RAD9B: variants seen among roughly 807,000 people sequenced by gnomAD.
RAD9B encodes the protein RAD9 checkpoint clamp component B.
Under a neutral mutation model 48.3 loss-of-function variants are expected in RAD9B, and 41 were observed. The observed-to-expected ratio is 0.85, with a 90% CI of 0.66 to 1.10. RAD9B has a LOEUF of 1.10. RAD9B is among the 50% of genes least tolerant of loss of function. RAD9B has a pLI of 0.00. For synonymous variants in RAD9B, 160 were observed against 157.9 expected (o/e 1.01, Z -0.10); for missense variants, 444 against 485.1 (o/e 0.92, Z 0.80).
intron 9 of RAD9B, among the ~76,000 whole-genome samples, chr12:110,520,424 C>T (rs1405475741): frequency 6.6e-6 from 1 of 151,900 alleles, no homozygotes; most frequent in Non-Finnish European, 1.5e-5. Context: ...GTTGCCCAGG[C>T]TGGTCTCAAA....
intron 2 of RAD9B, among the ~76,000 whole-genome samples, chr12:110,505,330 C>T (rs957674550): frequency 3.3e-5 from 5 of 152,070 alleles, no homozygotes; most frequent in African/African-American, 4.8e-5. Context: ...CTATATAGGG[C>T]AGTCCATAAT....
At position 110,519,794 on chromosome 12, in the gene RAD9B, A is replaced by G. The variant is rs1342971228; in HGVS notation, c.768A>G (p.Lys256=). Residue 256 remains lysine, a splice_region_variant and synonymous_variant, in exon 9 of 11, where the codon AAA becomes AAG. Coordinates refer to ENST00000409300, the MANE Select transcript of RAD9B (RefSeq NM_001286535.2). ...PISIYFDFPG[K]PLALSIDDML... ...TGTTGCTCTGACTTGGCTTTTTTAG[A>G]CCTCTGGCTTTGAGTATTGATGATA... 1 of 1,602,234 alleles carries G rather than the reference A, an allele frequency of 6.2e-7. No individual in the cohort carries two copies. Among genetic ancestry groups the G allele is most frequent in the South Asian group, 1.1e-5 (1 of 88,292 alleles).
At chr12:110,518,174 G>A (rs1287631822) in intron 6 of RAD9B, among the ~76,000 whole-genome samples, 1 of 149,808 alleles carries the variant, frequency 6.7e-6, no homozygotes, top group East Asian at 2.0e-4. Flanking sequence ...CTGGGCAACA[G>A]AGTGAGACTC....
chr12:110,522,256 A>G lies in RAD9B; in HGVS notation c.970A>G (p.Arg324Gly), dbSNP rs765970904. 6.2e-7 allele frequency: 1 copy of G among 1,612,364 alleles called. No homozygotes were observed. Among genetic ancestry groups the G allele is most frequent in the Non-Finnish European group, 8.5e-7 (1 of 1,179,268 alleles). ...LECISKKAAP[R>G]RLYPKETLTN... Reference sequence around the variant, plus strand: ...ATGTATTTCAAAAAAAGCAGCACCAAGAAGGCTTTATCCTAAGGAGACTCT... The same window carrying G: ...ATGTATTTCAAAAAAAGCAGCACCAGGAAGGCTTTATCCTAAGGAGACTCT... The change falls in exon 10 of 11, where the codon AGA becomes GGA. Residue 324 changes from arginine (R) to glycine (G), a missense_variant. By Grantham distance (125) the Arg-to-Gly change is moderately radical. Transcript: ENST00000409300.
rs1231147988 is a variant in RAD9B at position 110,507,515 on chromosome 12, CATAAT to C, written c.388+826_388+830del. Reference sequence around the variant, plus strand: ...CATAATATATGTATTAAATATAATACATAATATATGTATTAAATATAATACATAAT... The same window carrying C: ...CATAATATATGTATTAAATATAATACATATGTATTAAATATAATACATAAT... On this transcript the variant is annotated intron_variant, in intron 4 of 10. Transcript: ENST00000409300. Among the ~76,000 whole-genome samples the C allele has an allele frequency of 6.7e-4, 14 of 20,754 alleles. 1 individual carries two copies. The highest frequency in any genetic ancestry group is 1.4e-3 in the African/African-American group (14 of 10,154). 13.6% of individuals were successfully genotyped at this position (20,754 alleles called of 152,430 possible). A position where few individuals can be genotyped will look rare whatever the true frequency, so the allele number is the denominator to read the frequency against.
At chr12:110,509,462 A>G (rs2063396122) in intron 4 of RAD9B, among the ~76,000 whole-genome samples, 1 of 151,788 alleles carries the variant, frequency 6.6e-6, no homozygotes, top group South Asian at 2.1e-4. Context: ...TTAATAGATA[A>G]CAAGGTCTCA....
chr12:110,513,089 C>T (rs1209354261), intron 5 of RAD9B, among the ~76,000 whole-genome samples: 2 of 151,936 alleles, frequency 1.3e-5, no homozygotes, highest in Non-Finnish European at 2.9e-5. Context: ...CCTCAGCCTC[C>T]CGAGTAGCTG....
intron 10 of RAD9B, among the ~76,000 whole-genome samples, chr12:110,528,421 T>C (rs1004181881): frequency 6.6e-6 from 1 of 152,156 alleles, no homozygotes; most frequent in Non-Finnish European, 1.5e-5. Flanking sequence ...GGAATGCTAA[T>C]TGCATGTAGC....
At chr12:110,519,249 G>A (rs901477722) in intron 8 of RAD9B, among the ~76,000 whole-genome samples, 38 of 151,578 alleles carry the variant, frequency 2.5e-4, no homozygotes, top group African/African-American at 9.2e-4. Flanking sequence ...GATTACGGGC[G>A]TCTACCACCA....
intron 6 of RAD9B, among the ~76,000 whole-genome samples, chr12:110,518,032 A>G (rs950430988): frequency 5.9e-5 from 9 of 152,000 alleles, no homozygotes; most frequent in Non-Finnish European, 1.2e-4. Context: ...ACTAAAAGAA[A>G]TACAAAAAAT....
chr12:110,519,061 T>C, intron 8 of RAD9B, 123 bp downstream of exon 8: 1 of 658,018 alleles, frequency 1.5e-6, no homozygotes, highest in Non-Finnish European at 2.5e-6. Flanking sequence ...TTAATACTTA[T>C]CAAACTAAAA....
chr12:110,528,953 C>T (rs1363601147), intron 10 of RAD9B, among the ~76,000 whole-genome samples: 2 of 152,090 alleles, frequency 1.3e-5, no homozygotes, highest in Non-Finnish European at 2.9e-5. Context: ...GTCTCGAACT[C>T]CTGAGCTCAG....
At position 110,502,347 on chromosome 12, in the gene RAD9B, A is replaced by T; in HGVS notation, c.10A>T (p.Met4Leu). Reference sequence around the variant, plus strand: ...CTGCTTTTTAGGGCGGATGGCAGCCATGCTGAAGTGCGTGATGAGCGGCAG... The same window carrying T: ...CTGCTTTTTAGGGCGGATGGCAGCCTTGCTGAAGTGCGTGATGAGCGGCAG... The part of the protein sequence containing the change: MAA[M>L]LKCVMSGSQV... The change falls in exon 1 of 11, where the codon ATG (methionine) becomes TTG (leucine). Residue 4 changes from methionine (M) to leucine (L), a missense_variant. Coordinates refer to ENST00000409300, the MANE Select transcript of RAD9B (RefSeq NM_001286535.2). The T allele has an allele frequency of 6.2e-7, 1 of 1,613,662 alleles. No individual in the cohort carries two copies. Among genetic ancestry groups the T allele is most frequent in the South Asian group, 1.1e-5 (1 of 90,932 alleles).
intron 4 of RAD9B, among the ~76,000 whole-genome samples, chr12:110,509,890 C>T (rs2063409774): frequency 6.6e-6 from 1 of 152,188 alleles, no homozygotes; most frequent in African/African-American, 2.4e-5. Context: ...GACTCACTCT[C>T]ACTGTTCTTT....
chr12:110,508,988 G>A (rs1030939968), intron 4 of RAD9B, among the ~76,000 whole-genome samples: 2 of 151,016 alleles, frequency 1.3e-5, no homozygotes, highest in East Asian at 3.9e-4. Flanking sequence ...TTTTTAAGAC[G>A]GAGTCTGGTT....
chr12:110,528,797 G>A (rs2064027857), intron 10 of RAD9B, among the ~76,000 whole-genome samples: 1 of 152,048 alleles, frequency 6.6e-6, no homozygotes, highest in Non-Finnish European at 1.5e-5. Flanking sequence ...GCACAATCTT[G>A]GCTCACTACA....
At position 110,530,761 on chromosome 12, in the gene RAD9B, T is replaced by C. The variant is rs546637901; in HGVS notation, c.*108T>C. 6.6e-7 allele frequency: 1 copy of C among 1,524,864 alleles called. No individual in the cohort carries two copies. Among genetic ancestry groups the C allele is most frequent in the South Asian group, 1.3e-5 (1 of 77,936 alleles). 94.5% of individuals were successfully genotyped at this position (1,524,864 alleles called of 1,614,324 possible). A position where few individuals can be genotyped will look rare whatever the true frequency, so the allele number is the denominator to read the frequency against. The stretch of plus-strand genomic sequence containing the variant: ...AAAAGAGGTTGTCCAGGACTTCCTT[T>C]TAATGGAGGATGGGCTTTTAAACCA... On this transcript the variant is annotated 3_prime_UTR_variant, in exon 11 of 11. Transcript: ENST00000409300.
At position 110,531,330 on chromosome 12, in the gene RAD9B, T is replaced by C. The variant is rs567273405; in HGVS notation, c.*677T>C. 8 of 410,374 alleles carry C rather than the reference T, an allele frequency of 1.9e-5. No individual in the cohort carries two copies. The highest frequency in any genetic ancestry group is 1.7e-4 in the African/African-American group (8 of 46,524). The allele number at this position is 410,374 out of a possible 1,614,324, so 25.4% of individuals were successfully genotyped here. ...GCCTCAGCCTCCCGTGCAGCTGGGA[T>C]TGCAGGTGCGTGCCACCATGCCTGG... On this transcript the variant is annotated 3_prime_UTR_variant, in exon 11 of 11. Coordinates refer to ENST00000409300, the MANE Select transcript of RAD9B (RefSeq NM_001286535.2).
chr12:110,531,483 C>A lies in RAD9B; in HGVS notation c.*830C>A. ...CTGGGATTACAGACTTGAGCCACTG[C>A]GCCCAACCTGGAGTGTTTTTACATA... is the stretch of plus-strand genomic sequence containing the variant. On this transcript the variant is annotated 3_prime_UTR_variant, in exon 11 of 11. Coordinates refer to ENST00000409300, the MANE Select transcript of RAD9B (RefSeq NM_001286535.2). 2 of 904,792 alleles carry A rather than the reference C, an allele frequency of 2.2e-6. No individual in the cohort carries two copies. The highest frequency in any genetic ancestry group is 1.4e-5 in the South Asian group (1 of 69,020). The allele number at this position is 904,792 out of a possible 1,614,324, so 56.0% of individuals were successfully genotyped here. A position where few individuals can be genotyped will look rare whatever the true frequency, so the allele number is the denominator to read the frequency against.
Sources: allele counts gnomAD v4.1 joint callset (sites outside exome capture counted in the v4.1 genomes callset), GRCh38; gene constraint gnomAD v4.1.1; transcripts MANE v1.5; gene names NCBI Gene and HGNC (gene_info 2026-07-23, HGNC 2026-07-21).